The following PECR variants were observed in gnomAD, a reference collection of about 807,000 sequenced individuals.
PECR encodes the protein 2,4-dienoyl-CoA reductase-related protein.
In PECR, 30 loss-of-function variants were observed where a neutral mutation model predicts 35.3. The ratio of observed to expected loss-of-function variants is 0.85; its 90% CI spans 0.64 to 1.15. The LOEUF (loss-of-function observed/expected upper bound fraction) is 1.15, where lower values mean the gene tolerates loss of function less well. Among genes scored for constraint, PECR ranks in the 50% most tolerant of loss-of-function variants. The pLI is 0.00. For missense variants in PECR, 392 were observed against 370.8 expected (o/e 1.06, Z -0.47); for synonymous variants, 148 against 138.9 (o/e 1.07, Z -0.46).
intron 1 of PECR, among the ~76,000 whole-genome samples, chr2:216,074,901 GT>G (rs1296733927): frequency 4.6e-5 from 7 of 152,198 alleles, no homozygotes. Flanking sequence ...TCAGGAAATG[GT>G]TAAATAAGTT....
downstream of PECR, among the ~76,000 whole-genome samples, chr2:216,033,426 T>C (rs892990981): frequency 2.0e-5 from 3 of 152,178 alleles, no homozygotes; most frequent in Middle Eastern, 3.4e-3. Flanking sequence ...CCCAAGCAGT[T>C]GGACTCCAGT....
At position 216,044,040 on chromosome 2, in the gene PECR, A is replaced by C. The variant is rs747212508; in HGVS notation, c.715-25T>G. The C allele has an allele frequency of 2.3e-6, 3 of 1,285,386 alleles. No homozygotes were observed. The Admixed American group carries it at 5.0e-5, about 22-fold the overall frequency. 79.6% of individuals were successfully genotyped at this position (1,285,386 alleles called of 1,614,324 possible). A position where few individuals can be genotyped will look rare whatever the true frequency, so the allele number is the denominator to read the frequency against. On this transcript the variant is annotated intron_variant, in intron 6 of 7. Transcript: ENST00000265322. ...CCTGGAAACAGAAACACACATGTGCATAGGTAAAAGCAAATACTCCCCATT... is the reference window on the plus strand; with the variant it reads ...CCTGGAAACAGAAACACACATGTGCCTAGGTAAAAGCAAATACTCCCCATT...
intron 1 of PECR, among the ~76,000 whole-genome samples, chr2:216,076,456 G>A (rs114153103): frequency 2.5e-3 from 384 of 152,280 alleles, no homozygotes; most frequent in African/African-American, 9.0e-3. Flanking sequence ...TTCAATATGA[G>A]GGAAATAGTT....
At chr2:216,080,061 C>G (rs914672369) in intron 1 of PECR, among the ~76,000 whole-genome samples, 1 of 151,484 alleles carries the variant, frequency 6.6e-6, no homozygotes, top group African/African-American at 2.4e-5. Context: ...TGCATTTCTC[C>G]AAGTAAGTCT....
downstream of PECR, among the ~76,000 whole-genome samples, chr2:216,034,597 G>A (rs1694764505): frequency 6.6e-6 from 1 of 152,098 alleles, no homozygotes; most frequent in Admixed American, 6.6e-5. Flanking sequence ...GAGTGGCCCC[G>A]TGATGGTGGA....
At chr2:216,080,482 C>T (rs1328304112) in intron 1 of PECR, among the ~76,000 whole-genome samples, 1 of 152,192 alleles carries the variant, frequency 6.6e-6, no homozygotes, top group Non-Finnish European at 1.5e-5. Context: ...CTACTCAAGA[C>T]TACATCCTTG....
intron 5 of PECR, 151 bp downstream of exon 5, chr2:216,051,298 A>G (rs1043455908): frequency 8.9e-5 from 56 of 627,994 alleles, no homozygotes; most frequent in East Asian, 2.0e-4. Context: ...AAAAAAAAAA[A>G]AAAAAGAAAA....
Position 216,058,890 on chromosome 2 carries a change from CTTA to C in PECR, c.506+2_506+4del. The C allele has an allele frequency of 6.5e-7, 1 of 1,539,388 alleles. No individual in the cohort carries two copies. Among genetic ancestry groups the C allele is most frequent in the Non-Finnish European group, 9.0e-7 (1 of 1,112,260 alleles). On this transcript the variant is annotated splice_donor_variant and splice_donor_region_variant and intron_variant, in intron 4 of 7. Transcript: ENST00000265322. LOFTEE classifies it high-confidence loss of function. ...TTAGAAAGAAAACTATATAAAAACG[CTTA>C]CACAGCTAATGGAAATCCAGCTTTA... is the stretch of plus-strand genomic sequence containing the variant.
At chr2:216,066,272 G>A (rs1695463676) in intron 2 of PECR, 113 bp downstream of exon 2, 3 of 885,484 alleles carry the variant, frequency 3.4e-6, no homozygotes, top group South Asian at 1.3e-5. Flanking sequence ...TCTGCTTCTA[G>A]TGAGCCTCAT....
rs1349067805 is a variant in PECR at position 216,039,349 on chromosome 2, A to G, written c.838T>C (p.Trp280Arg). Residue 280 changes from tryptophan to arginine, a missense_variant, in exon 8 of 8, where the codon TGG becomes CGG. Coordinates refer to ENST00000265322, the MANE Select transcript of PECR (RefSeq NM_018441.6). ...GAAAGGTCCCCTGCTCCCTTGGGCC[A>G]GTTGTCATGATCTGTTAAAGAAGTG... is the stretch of plus-strand genomic sequence containing the variant. ...HSYEVPDHDNWPKGAGDLSVV... is the reference protein window; with the variant it reads ...HSYEVPDHDNRPKGAGDLSVV... 1 of 1,599,882 alleles carries G rather than the reference A, an allele frequency of 6.3e-7. No homozygotes were observed. Among genetic ancestry groups the G allele is most frequent in the Admixed American group, 1.7e-5 (1 of 60,002 alleles).
intron 3 of PECR, among the ~76,000 whole-genome samples, chr2:216,063,187 T>C (rs1230451462): frequency 6.6e-6 from 1 of 152,260 alleles, no homozygotes; most frequent in Non-Finnish European, 1.5e-5. Flanking sequence ...TTTTTTCATG[T>C]TAATGAGTAC....
At chr2:216,041,879 G>A (rs1050840532) in intron 7 of PECR, among the ~76,000 whole-genome samples, 2 of 152,212 alleles carry the variant, frequency 1.3e-5, no homozygotes, top group Non-Finnish European at 2.9e-5. Flanking sequence ...CCTGGCAGGT[G>A]GTGGGGCCAA....
At chr2:216,077,779 C>T (rs1676752309) in intron 1 of PECR, among the ~76,000 whole-genome samples, 1 of 147,786 alleles carries the variant, frequency 6.8e-6, no homozygotes, top group Non-Finnish European at 1.5e-5. Context: ...TGTACTCCAG[C>T]CTGGGCTACA....
chr2:216,074,224 C>T (rs1431015431), intron 1 of PECR, among the ~76,000 whole-genome samples: 4 of 152,104 alleles, frequency 2.6e-5, no homozygotes, highest in African/African-American at 9.7e-5. Flanking sequence ...GCCGGTGGAT[C>T]GCTTGTATTC....
chr2:216,047,467 T>C (rs1695018228), intron 6 of PECR, among the ~76,000 whole-genome samples: 1 of 152,188 alleles, frequency 6.6e-6, no homozygotes, highest in South Asian at 2.1e-4. Context: ...TCTAATTTAT[T>C]ACTAAACGGC....
intron 1 of PECR, among the ~76,000 whole-genome samples, chr2:216,072,594 G>A (rs1695611986): frequency 6.6e-6 from 1 of 152,030 alleles, no homozygotes; most frequent in African/African-American, 2.4e-5. Flanking sequence ...CCACTCTTTA[G>A]CTCCCACTTA....
chr2:216,065,883 G>A (rs949436909), intron 2 of PECR, among the ~76,000 whole-genome samples: 1 of 152,198 alleles, frequency 6.6e-6, no homozygotes, highest in Non-Finnish European at 1.5e-5. Context: ...CTAGCACTTC[G>A]GGAGGCCGAG....
intron 1 of PECR, among the ~76,000 whole-genome samples, chr2:216,076,358 T>C (rs1478567978): frequency 6.6e-6 from 1 of 152,090 alleles, no homozygotes; most frequent in African/African-American, 2.4e-5. Context: ...CCACCACATG[T>C]GCCACAATGT....
intron 3 of PECR, among the ~76,000 whole-genome samples, chr2:216,060,086 G>A (rs1468847122): frequency 6.6e-6 from 1 of 151,978 alleles, no homozygotes; most frequent in Non-Finnish European, 1.5e-5. Context: ...GGCAGTTTGT[G>A]GCATACAAGT....
Sources: allele counts gnomAD v4.1 joint callset (sites outside exome capture counted in the v4.1 genomes callset), GRCh38; gene constraint gnomAD v4.1.1; transcripts MANE v1.5; gene names NCBI Gene and HGNC (gene_info 2026-07-23, HGNC 2026-07-21).